Variants in AOX1 observed in about 807,000 individuals in gnomAD.
The protein encoded by AOX1 is aldehyde oxidase 1.
AOX1 carries 153 observed loss-of-function variants against 169.5 expected under a neutral mutation model. The observed-to-expected ratio is 0.90, with a 90% CI of 0.79 to 1.03. The LOEUF (loss-of-function observed/expected upper bound fraction) is 1.03, where lower values mean the gene tolerates loss of function less well. Among genes scored for constraint, AOX1 ranks in the 50% least tolerant of loss-of-function variants. The pLI is 0.00. For synonymous variants in AOX1, 562 were observed against 581.9 expected (o/e 0.97, Z 0.49); for missense variants, 1,656 against 1,663.9 (o/e 1.00, Z 0.08).
In AOX1 at chr2:200,588,726, C is replaced by CTTTTTTTTTTTTTTTTTTTTTTTTTTTTT. The variant is rs71807461; in HGVS notation, c.45+2594_45+2595insTTTTTTTTTTTTTTTTTTTTTTTTTTTTT. Among the ~76,000 whole-genome samples, 67 of 53,990 alleles carry CTTTTTTTTTTTTTTTTTTTTTTTTTTTTT rather than the reference C, an allele frequency of 1.2e-3. 17 individuals carry two copies. The highest frequency in any genetic ancestry group is 1.8e-3 in the Non-Finnish European group (47 of 25,664). The allele number at this position is 53,990 out of a possible 152,430, so 35.4% of individuals were successfully genotyped here. On this transcript the variant is annotated intron_variant, in intron 1 of 34. Coordinates refer to ENST00000374700, the MANE Select transcript of AOX1 (RefSeq NM_001159.4). The stretch of plus-strand genomic sequence containing the variant: ...CTTACATGGAAAGAACTAGAATAAG[C>CTTTTTTTTTTTTTTTTTTTTTTTTTTTTT]TTTTTTTTTTTTTTTTTTTTTGAGA...
At chr2:200,633,582 G>A (rs1365970260) in intron 20 of AOX1, among the ~76,000 whole-genome samples, 1 of 151,500 alleles carries the variant, frequency 6.6e-6, no homozygotes, top group Non-Finnish European at 1.5e-5. Context: ...CTTTGCTGAG[G>A]TTTCTATTTT....
At chr2:200,663,545 A>ACACACACACAC (rs2035867351) in intron 31 of AOX1, among the ~76,000 whole-genome samples, 1 of 117,710 alleles carries the variant, frequency 8.5e-6, no homozygotes, top group African/African-American at 2.9e-5. Context: ...CATACACACA[A>ACACACACACAC]ACACACACAC....
At chr2:200,639,904 G>T (rs952331714) in intron 23 of AOX1, among the ~76,000 whole-genome samples, 2 of 151,940 alleles carry the variant, frequency 1.3e-5, no homozygotes, top group South Asian at 4.2e-4. Flanking sequence ...GGGCATGGTG[G>T]CAGGCACCTG....
intron 27 of AOX1, among the ~76,000 whole-genome samples, chr2:200,657,188 A>ATTTTTTTTTT (rs1309414882): frequency 2.9e-5 from 2 of 68,580 alleles, no homozygotes; most frequent in African/African-American, 1.4e-4. Context: ...ATATATATAT[A>ATTTTTTTTTT]TATTTTTTTT....
chr2:200,605,525 T>G lies in AOX1; in HGVS notation c.815-11T>G, dbSNP rs755173670. 2.2e-6 allele frequency: 3 copies of G among 1,384,518 alleles called. No homozygotes were observed. The highest frequency in any genetic ancestry group is 1.6e-5 in the South Asian group (1 of 64,018). The allele number at this position is 1,384,518 out of a possible 1,614,324, so 85.8% of individuals were successfully genotyped here. A position where few individuals can be genotyped will look rare whatever the true frequency, so the allele number is the denominator to read the frequency against. On this transcript the variant is annotated splice_polypyrimidine_tract_variant and intron_variant, in intron 9 of 34. Transcript: ENST00000374700. ...AGTCTTATTGATTTTTTTTTTTTTT[T>G]GATCCTTTAGGGCCTGAAGTGAAAT...
intron 31 of AOX1, among the ~76,000 whole-genome samples, chr2:200,666,196 A>G (rs2035921342): frequency 1.3e-5 from 2 of 152,210 alleles, no homozygotes; most frequent in Admixed American, 1.3e-4. Flanking sequence ...CAAAAATGAA[A>G]AGTCTAGAAC....
rs772383712 is a variant in AOX1, at chr2:200,636,929, T to G, written c.2365T>G (p.Leu789Val). ...TTCACAGGACATTGTTGCCTCAACC[T>G]TGAAGCTCCCAGCTAACAAGGTCAT... is the stretch of plus-strand genomic sequence containing the variant. Reference protein sequence around the residue: ...KYIQDIVASTLKLPANKVMCH... With the variant: ...KYIQDIVASTVKLPANKVMCH... The change falls in exon 22 of 35, where the codon TTG (leucine) becomes GTG (valine). Residue 789 changes from leucine (L) to valine (V), a missense_variant. Coordinates refer to ENST00000374700, the MANE Select transcript of AOX1 (RefSeq NM_001159.4). 14 of 1,613,966 alleles carry G rather than the reference T, an allele frequency of 8.7e-6. No individual in the cohort carries two copies. In the Admixed American group the frequency reaches 2.2e-4, roughly 25 times the overall value.
intron 27 of AOX1, among the ~76,000 whole-genome samples, chr2:200,657,317 T>C (rs2035716920): frequency 6.7e-6 from 1 of 150,350 alleles, no homozygotes; most frequent in Non-Finnish European, 1.5e-5. Context: ...ATTGCACCAA[T>C]GTACTCCAGC....
At chr2:200,628,841 C>A (rs2035056930) in intron 20 of AOX1, among the ~76,000 whole-genome samples, 2 of 152,190 alleles carry the variant, frequency 1.3e-5, no homozygotes, top group South Asian at 4.1e-4. Flanking sequence ...GCACAAGAAT[C>A]GCTTGAACCC....
chr2:200,595,214 G>A (rs1274027523), intron 2 of AOX1, 58 bp from the exon 3 acceptor site: 1 of 1,331,920 alleles, frequency 7.5e-7, no homozygotes, highest in Non-Finnish European at 1.1e-6. Flanking sequence ...CTAGTGGCAG[G>A]GCTATTCTAG....
At chr2:200,659,596 C>T (rs941004790) in intron 28 of AOX1, among the ~76,000 whole-genome samples, 10 of 152,186 alleles carry the variant, frequency 6.6e-5, no homozygotes, top group Non-Finnish European at 1.0e-4. Context: ...CTCCCCAGGG[C>T]CGATGCAGGA....
chr2:200,612,468 C>T, intron 13 of AOX1, 141 bp from the exon 14 acceptor site: 1 of 765,356 alleles, frequency 1.3e-6, no homozygotes, highest in South Asian at 1.7e-5. Context: ...ATGCTCAACA[C>T]ACACACACTA....
Position 200,651,028 on chromosome 2 carries a change from A to T in AOX1, c.2902A>T (p.Ile968Phe). The change falls in exon 26 of 35, where the codon ATC becomes TTC. Residue 968 changes from isoleucine (I) to phenylalanine (F), a missense_variant. Physicochemically the swap from Ile to Phe is conservative, Grantham distance 21 (BLOSUM62 0). Transcript: ENST00000374700. ...EIDQTPYKQE[I>F]NAKNLIQCWR... is the part of the protein sequence containing the mutation. ...TGATCAAACACCCTACAAACAAGAG[A>T]TCAATGCCAAGAACCTAATCCAGTG... 2 of 1,614,250 alleles carry T rather than the reference A, an allele frequency of 1.2e-6. No homozygotes were observed. The highest frequency in any genetic ancestry group is 1.7e-6 in the Non-Finnish European group (2 of 1,180,042).
downstream of AOX1, among the ~76,000 whole-genome samples, chr2:200,675,471 G>A (rs2036082577): frequency 6.6e-6 from 1 of 152,148 alleles, no homozygotes; most frequent in Non-Finnish European, 1.5e-5. Flanking sequence ...CTCAGAGCTG[G>A]AGAAGGCTGT....
rs2035376153 is a variant in AOX1 at position 200,642,726 on chromosome 2, C to T, written c.2772C>T (p.Gly924=). The T allele has an allele frequency of 6.2e-7, 1 of 1,614,146 alleles. No individual in the cohort carries two copies. The highest frequency in any genetic ancestry group is 8.5e-7 in the Non-Finnish European group (1 of 1,180,004). The change falls in exon 25 of 35, where the codon GGC becomes GGT. Residue 924 remains glycine, a synonymous_variant. Transcript: ENST00000374700. ...LPSNTAFRGF[G]FPQAALITES... ...CCAACACAGCTTTTCGTGGGTTTGG[C>T]TTTCCTCAGGCAGCGCTGATCACCG...
At chr2:200,619,305 A>T (rs555850946) in intron 16 of AOX1, among the ~76,000 whole-genome samples, 9 of 152,222 alleles carry the variant, frequency 5.9e-5, no homozygotes, top group African/African-American at 2.2e-4. Flanking sequence ...GAGCTGCAGG[A>T]TGGGAAGGGG....
chr2:200,655,028 C>T (rs1464711953), intron 26 of AOX1, among the ~76,000 whole-genome samples: 1 of 152,202 alleles, frequency 6.6e-6, no homozygotes, highest in Non-Finnish European at 1.5e-5. Flanking sequence ...GTATAATCCA[C>T]TATAATTGTA....
Position 200,609,341 on chromosome 2 carries a change from T to C in AOX1, c.1080T>C (p.Ile360=). ...AAAAGTCTTTAGGGGGACACATCATTAGCAGGCATCCAGATTCAGATCTGA... is the reference window on the plus strand; with the variant it reads ...AAAAGTCTTTAGGGGGACACATCATCAGCAGGCATCCAGATTCAGATCTGA... The part of the protein sequence containing the change: ...RNMASLGGHI[I]SRHPDSDLNP... The change falls in exon 12 of 35, where the codon ATT becomes ATC. Residue 360 remains isoleucine, a synonymous_variant. Transcript: ENST00000374700. 1 of 1,614,062 alleles carries C rather than the reference T, an allele frequency of 6.2e-7. No individual in the cohort carries two copies.
intron 26 of AOX1, among the ~76,000 whole-genome samples, chr2:200,654,370 G>A (rs1228446514): frequency 1.3e-5 from 2 of 152,132 alleles, no homozygotes; most frequent in African/African-American, 4.8e-5. Context: ...ATGGTTGTTA[G>A]CATTTTTTAA....
Sources: gnomAD v4.1 joint callset for allele counts (sites outside exome capture counted in the v4.1 genomes callset) on GRCh38, gnomAD v4.1.1 for gene constraint, MANE v1.5 for transcripts, NCBI Gene and HGNC (gene_info 2026-07-23, HGNC 2026-07-21) for gene names.